Variants in VRK2 observed in about 807,000 individuals in gnomAD.
VRK2 encodes serine/threonine-protein kinase VRK2.
A neutral mutation model predicts 57.6 loss-of-function variants in VRK2; 60 were observed. The ratio of observed to expected loss-of-function variants is 1.04; its 90% CI spans 0.85 to 1.29. The LOEUF is 1.29. VRK2 is among the 50% of genes most tolerant of loss of function. The pLI, the probability that VRK2 is intolerant of heterozygous loss-of-function variation, is 0.00. For missense variants in VRK2, 705 were observed against 588.1 expected (o/e 1.20, Z -2.06); for synonymous variants, 231 against 199.2 (o/e 1.16, Z -1.35).
intron 1 of VRK2, among the ~76,000 whole-genome samples, chr2:58,006,461 T>C (rs1673248296): frequency 6.6e-6 from 1 of 152,170 alleles, no homozygotes; most frequent in Non-Finnish European, 1.5e-5. Flanking sequence ...TTCACTTATA[T>C]TGGAACGGTC....
intron 7 of VRK2, among the ~76,000 whole-genome samples, chr2:58,101,735 T>G (rs1673999157): frequency 6.6e-6 from 1 of 151,718 alleles, no homozygotes; most frequent in African/African-American, 2.4e-5. Context: ...TAAAATCTGA[T>G]TTAGGAAACT....
At position 57,987,109 on chromosome 2, in the gene VRK2, A is replaced by G. The variant is rs114209883; in HGVS notation, c.-438-38556A>G. Reference sequence around the variant, plus strand: ...ACCTGAAACCAGAGAAAACATCCATAGGAAAAAAAATGAAATATCAAAAGC... The same window carrying G: ...ACCTGAAACCAGAGAAAACATCCATGGGAAAAAAAATGAAATATCAAAAGC... On this transcript the variant is annotated intron_variant, in intron 1 of 15. Coordinates refer to the VRK2 transcript ENST00000417641. Among the ~76,000 whole-genome samples, 649 of 152,308 alleles carry G rather than the reference A, an allele frequency of 4.3e-3. 7 individuals carry two copies. The highest frequency in any genetic ancestry group is 0.015 in the African/African-American group (618 of 41,578).
chr2:58,101,832 G>A (rs958066483), intron 7 of VRK2, among the ~76,000 whole-genome samples: 1 of 151,698 alleles, frequency 6.6e-6, no homozygotes. Flanking sequence ...TAGGAAAACA[G>A]GGATTGTGTT....
intron 12 of VRK2, among the ~76,000 whole-genome samples, chr2:58,157,077 T>TA (rs1683996183): frequency 6.6e-6 from 1 of 152,222 alleles, no homozygotes; most frequent in Admixed American, 6.5e-5. Flanking sequence ...CAGTAAATCT[T>TA]AAATTGTGGC....
At chr2:57,936,861 G>C (rs1670928322) in intron 1 of VRK2, among the ~76,000 whole-genome samples, 1 of 152,044 alleles carries the variant, frequency 6.6e-6, no homozygotes. Flanking sequence ...GTGTAGTTTG[G>C]TCTTGCTAAA....
intron 7 of VRK2, among the ~76,000 whole-genome samples, chr2:58,121,874 A>G (rs1047166939): frequency 6.6e-6 from 1 of 152,228 alleles, no homozygotes; most frequent in African/African-American, 2.4e-5. Context: ...GGGAACTACT[A>G]TTTTCTGACT....
At chr2:57,933,560 G>A (rs1472093627) in intron 1 of VRK2, among the ~76,000 whole-genome samples, 14 of 151,012 alleles carry the variant, frequency 9.3e-5, no homozygotes, top group Admixed American at 7.9e-4. Flanking sequence ...CACCCACCTC[G>A]GCCTCCCAAA....
intron 7 of VRK2, among the ~76,000 whole-genome samples, chr2:58,093,188 A>T (rs1009865240): frequency 6.6e-6 from 1 of 152,204 alleles, no homozygotes; most frequent in Admixed American, 6.5e-5. Flanking sequence ...CAGTAATGGG[A>T]TGGCTGGGTC....
At chr2:58,140,202 A>G (rs1412781321) in intron 11 of VRK2, among the ~76,000 whole-genome samples, 1 of 152,090 alleles carries the variant, frequency 6.6e-6, no homozygotes. Flanking sequence ...TAATTTGGTG[A>G]TAACAGTCTT....
At chr2:57,985,594 A>G (rs150658218) in intron 1 of VRK2, among the ~76,000 whole-genome samples, 1 of 152,218 alleles carries the variant, frequency 6.6e-6, no homozygotes. Context: ...TACAGCCAAC[A>G]TTATACTTAC....
chr2:58,083,868 CT>C (rs1671244323), intron 2 of VRK2, among the ~76,000 whole-genome samples: 1 of 151,790 alleles, frequency 6.6e-6, no homozygotes, highest in South Asian at 2.1e-4. Context: ...GTTTCTGTCT[CT>C]AATATATTAC....
intron 1 of VRK2, among the ~76,000 whole-genome samples, chr2:57,937,901 G>A (rs1256174887): frequency 2.8e-5 from 4 of 145,234 alleles, no homozygotes; most frequent in African/African-American, 5.2e-5. Context: ...GCATGATCTC[G>A]GCTCACTGCA....
At chr2:57,992,340 T>C (rs1672792960) in intron 1 of VRK2, among the ~76,000 whole-genome samples, 3 of 152,128 alleles carry the variant, frequency 2.0e-5, no homozygotes, top group Non-Finnish European at 4.4e-5. Flanking sequence ...GATTAATAGA[T>C]AGTTTTATGG....
intron 2 of VRK2, among the ~76,000 whole-genome samples, chr2:58,058,669 C>CT (rs948090961): frequency 1.3e-5 from 2 of 150,708 alleles, no homozygotes; most frequent in Non-Finnish European, 3.0e-5. Flanking sequence ...TTTTTGAATT[C>CT]TTTTTTTTTA....
chr2:58,093,360 C>T (rs920226104), intron 7 of VRK2, among the ~76,000 whole-genome samples: 1 of 152,128 alleles, frequency 6.6e-6, no homozygotes, highest in Non-Finnish European at 1.5e-5. Flanking sequence ...GCCATTCTAA[C>T]TGGTGTGAGA....
chr2:58,119,537 C>T (rs1391303465), intron 7 of VRK2, among the ~76,000 whole-genome samples: 1 of 145,800 alleles, frequency 6.9e-6, no homozygotes, highest in East Asian at 2.1e-4. Flanking sequence ...ATATTATTTT[C>T]TGAGCCCCAA....
Position 58,089,734 on chromosome 2 carries a change from A to C in VRK2, c.543+11A>C. ...AAAAATCCAGACCAGGTAAATACATACTTTTGCTTTTAATAAAGGTCTTTA... is the reference window on the plus strand; with the variant it reads ...AAAAATCCAGACCAGGTAAATACATCCTTTTGCTTTTAATAAAGGTCTTTA... On this transcript the variant is annotated intron_variant, in intron 7 of 12. Coordinates refer to ENST00000340157, the MANE Select transcript of VRK2 (RefSeq NM_006296.7). 1 of 1,581,074 alleles carries C rather than the reference A, an allele frequency of 6.3e-7. No homozygotes were observed.
At chr2:58,116,577 G>A (rs935112831) in intron 7 of VRK2, among the ~76,000 whole-genome samples, 7 of 152,236 alleles carry the variant, frequency 4.6e-5, no homozygotes, top group South Asian at 4.1e-4. Flanking sequence ...GGTAGCCTTC[G>A]TATTGATTAA....
At chr2:58,079,496 A>G (rs541604487) in intron 2 of VRK2, among the ~76,000 whole-genome samples, 2 of 152,092 alleles carry the variant, frequency 1.3e-5, no homozygotes, top group East Asian at 1.9e-4. Flanking sequence ...TCTTCTACAT[A>G]TCTTAATTTA....
Sources: allele counts gnomAD v4.1 joint callset (sites outside exome capture counted in the v4.1 genomes callset), GRCh38; gene constraint gnomAD v4.1.1; transcripts MANE v1.5; gene names NCBI Gene and HGNC (gene_info 2026-07-23, HGNC 2026-07-21).